RHBDD1: variants seen among roughly 807,000 people sequenced by gnomAD.
RHBDD1 encodes the protein rhomboid domain containing 1.
RHBDD1 carries 38 observed loss-of-function variants against 36.3 expected under a neutral mutation model. The observed-to-expected ratio is 1.05, with a 90% CI of 0.81 to 1.37. The LOEUF (loss-of-function observed/expected upper bound fraction) is 1.37, where lower values mean the gene tolerates loss of function less well. RHBDD1 is among the 40% of genes most tolerant of loss of function. The probability of loss-of-function intolerance (pLI) is 0.00; values close to 1 mark genes in which losing one functional copy is unlikely to be tolerated. For missense variants in RHBDD1, 393 were observed against 377.6 expected, an observed-to-expected ratio of 1.04 and a Z score of -0.34; for synonymous variants, 151 against 136.5, an observed-to-expected ratio of 1.11 and a Z score of -0.74.
chr2:226,985,002 A>G (rs1956630460), intron 8 of RHBDD1, among the ~76,000 whole-genome samples: 1 of 152,076 alleles, frequency 6.6e-6, no homozygotes. Context: ...TTTGAGTGAA[A>G]ATGTGAGCCA....
At chr2:226,947,509 TGTA>T (rs1951066938) in intron 8 of RHBDD1, among the ~76,000 whole-genome samples, 1 of 152,126 alleles carries the variant, frequency 6.6e-6, no homozygotes, top group African/African-American at 2.4e-5. Flanking sequence ...ACTGTAGCCT[TGTA>T]GTATAGTTTG....
chr2:226,881,049 A>G (rs1264618104), intron 5 of RHBDD1, among the ~76,000 whole-genome samples: 1 of 152,228 alleles, frequency 6.6e-6, no homozygotes, highest in Non-Finnish European at 1.5e-5. Context: ...GGGAGGCCTC[A>G]GGAAACTTAT....
chr2:226,943,210 T>A (rs1950774824), intron 8 of RHBDD1, among the ~76,000 whole-genome samples: 1 of 152,226 alleles, frequency 6.6e-6, no homozygotes, highest in Non-Finnish European at 1.5e-5. Context: ...TCTTCACTAA[T>A]CTCAATCAGA....
chr2:226,981,435 C>CAA (rs201620422), intron 8 of RHBDD1, among the ~76,000 whole-genome samples: 3 of 137,080 alleles, frequency 2.2e-5, no homozygotes, highest in African/African-American at 2.7e-5. Context: ...CATTGAACTT[C>CAA]AAAAAAAAAA....
In RHBDD1 at chr2:226,995,800, C is replaced by T. The variant is rs76218537; in HGVS notation, c.*278C>T. 1.1e-5 allele frequency: 5 copies of T among 440,360 alleles called. No homozygotes were observed. Among genetic ancestry groups the T allele is most frequent in the Non-Finnish European group, 2.0e-5 (5 of 249,070 alleles). 27.3% of individuals were successfully genotyped at this position (440,360 alleles called of 1,614,324 possible). ...ACGCTCCCATCTCTCACTGCTGACT[C>T]AGCGATGCCTCTGCCTCGGTCTGCT... is the stretch of plus-strand genomic sequence containing the variant. On this transcript the variant is annotated 3_prime_UTR_variant, in exon 9 of 9. Transcript: ENST00000392062.
At chr2:226,824,370 GA>G in the RHBDD1 span, among the ~76,000 whole-genome samples, 123 of 150,704 alleles carry the variant, frequency 8.2e-4, 1 homozygote, top group African/African-American at 2.5e-3. Flanking sequence ...CAAAACTTAA[GA>G]AAAAAAAATT....
intron 8 of RHBDD1, among the ~76,000 whole-genome samples, chr2:226,944,543 G>C (rs1950854433): frequency 6.6e-6 from 1 of 152,116 alleles, no homozygotes; most frequent in South Asian, 2.1e-4. Context: ...TTTCTCTGCT[G>C]TTTGCAGTTA....
intron 8 of RHBDD1, among the ~76,000 whole-genome samples, chr2:226,925,290 C>T (rs901879013): frequency 7.9e-5 from 12 of 152,170 alleles, no homozygotes; most frequent in African/African-American, 2.7e-4. Flanking sequence ...TTACTGATTC[C>T]CTAATTAAAT....
chr2:226,913,490 C>A (rs1219107702), intron 7 of RHBDD1, among the ~76,000 whole-genome samples: 1 of 152,134 alleles, frequency 6.6e-6, no homozygotes, highest in Non-Finnish European at 1.5e-5. Context: ...CTGAAAAGAT[C>A]AATGGAAATA....
intron 5 of RHBDD1, among the ~76,000 whole-genome samples, chr2:226,869,675 C>CG: frequency 6.6e-6 from 1 of 152,282 alleles, no homozygotes; most frequent in African/African-American, 2.4e-5. Flanking sequence ...AAATAGGCAT[C>CG]GTGAGGAGTA....
intron 4 of RHBDD1, 75 bp downstream of exon 4, chr2:226,865,201 T>TGTG (rs1944224639): frequency 8.8e-7 from 1 of 1,140,762 alleles, no homozygotes; most frequent in Non-Finnish European, 1.3e-6. Context: ...TTTTATGAAG[T>TGTG]GTGGGTCCCT....
At chr2:226,979,476 C>T (rs964672875) in intron 8 of RHBDD1, among the ~76,000 whole-genome samples, 25 of 152,126 alleles carry the variant, frequency 1.6e-4, no homozygotes, top group Non-Finnish European at 3.4e-4. Flanking sequence ...TGGAACTTCC[C>T]GAGACCCCAC....
chr2:226,893,018 G>A (rs1946817060), intron 5 of RHBDD1, among the ~76,000 whole-genome samples: 1 of 152,192 alleles, frequency 6.6e-6, no homozygotes, highest in Non-Finnish European at 1.5e-5. Context: ...ATTCATTCAT[G>A]TTATGATGTG....
rs186446890 is a variant in RHBDD1 at position 226,963,639 on chromosome 2, C to T, written c.857-31792C>T. On this transcript the variant is annotated intron_variant, in intron 8 of 8. Coordinates refer to ENST00000392062, the MANE Select transcript of RHBDD1 (RefSeq NM_001167608.3). The stretch of plus-strand genomic sequence containing the variant: ...GGTCCATATAAATACCTTCCATGCC[C>T]TTGCTTCTCACCCTTCTTCCATTTA... 7.1e-4 allele frequency among the ~76,000 whole-genome samples: 108 copies of T among 152,288 alleles called. 1 individual carries two copies. Among genetic ancestry groups the T allele is most frequent in the Non-Finnish European group, 1.5e-3 (104 of 68,028 alleles).
intron 5 of RHBDD1, among the ~76,000 whole-genome samples, chr2:226,896,730 C>G (rs1373382848): frequency 2.6e-5 from 4 of 152,156 alleles, no homozygotes; most frequent in African/African-American, 7.2e-5. Flanking sequence ...ACATGGCACA[C>G]AGGCCTTATG....
At chr2:226,843,605 C>A (rs78532203) in intron 3 of RHBDD1, among the ~76,000 whole-genome samples, 95 of 152,224 alleles carry the variant, frequency 6.2e-4, no homozygotes, top group African/African-American at 2.2e-3. Context: ...CAACCTGGCA[C>A]CCCGGGATGA....
At chr2:226,830,572 A>G in the RHBDD1 span, among the ~76,000 whole-genome samples, 2 of 152,222 alleles carry the variant, frequency 1.3e-5, no homozygotes, top group Non-Finnish European at 2.9e-5. Flanking sequence ...AGATGCAATC[A>G]TAGCCCACTA....
At chr2:226,975,114 A>G (rs1250243814) in intron 8 of RHBDD1, among the ~76,000 whole-genome samples, 2 of 152,194 alleles carry the variant, frequency 1.3e-5, no homozygotes, top group Admixed American at 1.3e-4. Flanking sequence ...TTTCTAATAT[A>G]AAATCTTTCA....
intron 3 of RHBDD1, among the ~76,000 whole-genome samples, chr2:226,862,998 T>G (rs1319457449): frequency 6.6e-6 from 1 of 152,182 alleles, no homozygotes; most frequent in Non-Finnish European, 1.5e-5. Flanking sequence ...ATGAGGGATA[T>G]TCCCCCATGA....
Sources: allele counts gnomAD v4.1 joint callset (sites outside exome capture counted in the v4.1 genomes callset), GRCh38; gene constraint gnomAD v4.1.1; transcripts MANE v1.5; gene names NCBI Gene and HGNC (gene_info 2026-07-23, HGNC 2026-07-21).